The following CACNA1C variants were observed in gnomAD, a reference collection of about 807,000 sequenced individuals.
CACNA1C encodes voltage-dependent L-type calcium channel subunit alpha-1C.
In CACNA1C, 30 loss-of-function variants were observed where a neutral mutation model predicts 229.0. That is an observed-to-expected ratio of 0.13 (90% CI 0.10 to 0.18). The LOEUF is 0.18. Ranked by LOEUF, CACNA1C falls within the 10% of genes least tolerant of loss-of-function variation. The pLI is 1.00. For missense variants in CACNA1C, 1,658 were observed against 2,845.0 expected (o/e 0.58, Z 9.49); for synonymous variants, 1,114 against 1,132.5 (o/e 0.98, Z 0.33).
chr12:2,404,786 A>G (rs558534520), intron 3 of CACNA1C, among the ~76,000 whole-genome samples: 6 of 151,544 alleles, frequency 4.0e-5, no homozygotes, highest in African/African-American at 1.5e-4. Context: ...TTACACAGCC[A>G]AAGTTTGTGG....
chr12:2,295,533 T>TA (rs1392810023), intron 3 of CACNA1C, among the ~76,000 whole-genome samples: 2 of 152,204 alleles, frequency 1.3e-5, no homozygotes, highest in Non-Finnish European at 1.5e-5. Flanking sequence ...AGCAGAATTC[T>TA]AAAAAACAGC....
intron 1 of CACNA1C, among the ~76,000 whole-genome samples, chr12:1,975,737 G>A (rs1348330650): frequency 6.6e-6 from 1 of 152,188 alleles, no homozygotes; most frequent in African/African-American, 2.4e-5. Context: ...TAAAACAAGT[G>A]ACTTTACTTT....
intron 31 of CACNA1C, 78 bp downstream of exon 31, chr12:2,648,585 C>T: frequency 1.4e-6 from 2 of 1,391,076 alleles, no homozygotes; most frequent in Non-Finnish European, 2.0e-6. Flanking sequence ...CCCCGAACTC[C>T]AGAGTCCCTG....
In CACNA1C at chr12:2,462,322, C is replaced by T. The variant is rs796067154; in HGVS notation, c.757+4616C>T. 5.0e-3 allele frequency among the ~76,000 whole-genome samples: 584 copies of T among 116,138 alleles called. 1 individual carries two copies. Among genetic ancestry groups the T allele is most frequent in the African/African-American group, 5.9e-3 (186 of 31,344 alleles). The allele number at this position is 116,138 out of a possible 152,430, so 76.2% of individuals were successfully genotyped here. On this transcript the variant is annotated intron_variant, in intron 5 of 46. Transcript: ENST00000399655. The stretch of plus-strand genomic sequence containing the variant: ...CTCAGCTCTCATACAGGCCTGCGCA[C>T]CTCCTCGGCCCGCCCCTTGGCTCAG...
intron 9 of CACNA1C, among the ~76,000 whole-genome samples, chr12:2,536,119 C>T (rs2099854503): frequency 6.6e-6 from 1 of 152,226 alleles, no homozygotes; most frequent in Non-Finnish European, 1.5e-5. Context: ...TGTTCACGGC[C>T]TTCAAGGTAG....
intron 3 of CACNA1C, among the ~76,000 whole-genome samples, chr12:2,136,657 G>T (rs1011280724): frequency 1.3e-5 from 2 of 151,084 alleles, no homozygotes; most frequent in Non-Finnish European, 3.0e-5. Flanking sequence ...TGTCTGTAGG[G>T]GTCCTGGGGG....
intron 1 of CACNA1C, among the ~76,000 whole-genome samples, chr12:2,002,842 A>G (rs2042482371): frequency 6.6e-6 from 1 of 152,210 alleles, no homozygotes. Context: ...ATTACCATGG[A>G]GGAAACTGTC....
At chr12:2,536,689 C>T (rs543910468) in intron 9 of CACNA1C, among the ~76,000 whole-genome samples, 1 of 152,178 alleles carries the variant, frequency 6.6e-6, no homozygotes, top group South Asian at 2.1e-4. Flanking sequence ...ATTAGCCATG[C>T]ATGGTGGTGC....
At chr12:2,240,225 T>C (rs2069333710) in intron 3 of CACNA1C, among the ~76,000 whole-genome samples, 1 of 152,212 alleles carries the variant, frequency 6.6e-6, no homozygotes, top group African/African-American at 2.4e-5. Flanking sequence ...GATTGTTTCC[T>C]GCTCAGCTGA....
rs2068851343 is a variant in CACNA1C at position 2,597,364 on chromosome 12, AAC to A, written c.2853+81_2853+82del. ...CAGGTCTCTGCCGCTGTCTGTCGCTAACACACATGCTCCTTCCTGTTGGTGTG... is the reference window on the plus strand; with the variant it reads ...CAGGTCTCTGCCGCTGTCTGTCGCTAACACATGCTCCTTCCTGTTGGTGTG... On this transcript the variant is annotated intron_variant, in intron 21 of 46. Transcript: ENST00000399655. This position sits in a 1 kb window ranked among gnomAD's most constrained non-coding sequence, Gnocchi z 4.3. 6.7e-7 allele frequency: 1 copy of A among 1,496,786 alleles called. No homozygotes were observed. Among genetic ancestry groups the A allele is most frequent in the Non-Finnish European group, 9.3e-7 (1 of 1,073,220 alleles). 92.7% of individuals were successfully genotyped at this position (1,496,786 alleles called of 1,614,324 possible). A position where few individuals can be genotyped will look rare whatever the true frequency, so the allele number is the denominator to read the frequency against.
At position 2,601,106 on chromosome 12, in the gene CACNA1C, G is replaced by T. The variant is rs114655483; in HGVS notation, c.2854-748G>T. ...AGCCACTGAGCCTCATAGCCCCTCT[G>T]ATCACACAACTTTTGCCCTTAAAGA... On this transcript the variant is annotated intron_variant, in intron 21 of 46. Coordinates refer to ENST00000399655, the MANE Select transcript of CACNA1C (RefSeq NM_000719.7). This position sits in a 1 kb window ranked among gnomAD's most constrained non-coding sequence, Gnocchi z 5.9. 1.6e-3 allele frequency among the ~76,000 whole-genome samples: 238 copies of T among 152,264 alleles called. No individual in the cohort carries two copies. Among genetic ancestry groups the T allele is most frequent in the African/African-American group, 5.5e-3 (229 of 41,548 alleles).
intron 3 of CACNA1C, among the ~76,000 whole-genome samples, chr12:2,199,090 A>G (rs755755779): frequency 5.9e-5 from 9 of 152,034 alleles, no homozygotes; most frequent in Non-Finnish European, 1.2e-4. Flanking sequence ...TTTAAGCGTG[A>G]ATCCCCCTGA....
intron 43 of CACNA1C, among the ~76,000 whole-genome samples, chr12:2,685,014 G>A (rs2097370654): frequency 6.6e-6 from 1 of 152,176 alleles, no homozygotes; most frequent in South Asian, 2.1e-4. Context: ...ACCCAGCAGA[G>A]ATTGTGAATC....
At chr12:1,972,907 T>C (rs2032951524) in intron 1 of CACNA1C, among the ~76,000 whole-genome samples, 1 of 152,172 alleles carries the variant, frequency 6.6e-6, no homozygotes, top group South Asian at 2.1e-4. Flanking sequence ...GGCAGTGTTT[T>C]CACAGCAGTA....
chr12:2,509,923 G>A, intron 8 of CACNA1C, among the ~76,000 whole-genome samples: 1 of 152,208 alleles, frequency 6.6e-6, no homozygotes, highest in East Asian at 1.9e-4. Flanking sequence ...ATTTTAGTGA[G>A]TAGGCGCATT....
intron 5 of CACNA1C, among the ~76,000 whole-genome samples, chr12:2,478,421 G>A (rs183385210): frequency 8.0e-4 from 122 of 152,292 alleles, no homozygotes; most frequent in South Asian, 4.6e-3. Context: ...TTGAGACCCG[G>A]TTAGAAATGC....
intron 3 of CACNA1C, among the ~76,000 whole-genome samples, chr12:2,303,654 G>A (rs2094761722): frequency 6.6e-6 from 1 of 152,184 alleles, no homozygotes. Context: ...CACACATTCT[G>A]AGGTGCTAGG....
At chr12:2,243,150 G>T (rs950388985) in intron 3 of CACNA1C, among the ~76,000 whole-genome samples, 1 of 152,162 alleles carries the variant, frequency 6.6e-6, no homozygotes, top group Admixed American at 6.5e-5. Context: ...ATAAGTGTAT[G>T]CCCTCCATTT....
intron 4 of CACNA1C, among the ~76,000 whole-genome samples, chr12:2,455,224 T>C (rs539478809): frequency 4.0e-4 from 61 of 152,352 alleles, no homozygotes; most frequent in African/African-American, 1.4e-3. Flanking sequence ...CGCCCACTTC[T>C]AGTAACCCCC....
Sources: allele counts gnomAD v4.1 joint callset (sites outside exome capture counted in the v4.1 genomes callset), GRCh38; gene constraint gnomAD v4.1.1; non-coding constraint Gnocchi (gnomAD v3.1); transcripts MANE v1.5; gene names NCBI Gene and HGNC (gene_info 2026-07-23, HGNC 2026-07-21).